The following SGCD variants were observed in gnomAD, a reference collection of about 807,000 sequenced individuals.
The protein encoded by SGCD is delta-sarcoglycan.
In SGCD, 18 loss-of-function variants were observed where a neutral mutation model predicts 36.6. That is an observed-to-expected ratio of 0.49 (90% CI 0.34 to 0.73). The LOEUF is 0.73. SGCD is among the 30% of genes least tolerant of loss of function. SGCD has a pLI of 0.01. For missense variants in SGCD, 387 were observed against 346.7 expected, an observed-to-expected ratio of 1.12 and a Z score of -0.92; for synonymous variants, 133 against 130.6, an observed-to-expected ratio of 1.02 and a Z score of -0.12.
intron 1 of SGCD, among the ~76,000 whole-genome samples, chr5:156,072,883 A>T (rs553852139): frequency 6.6e-6 from 1 of 151,836 alleles, no homozygotes; most frequent in African/African-American, 2.4e-5. Context: ...CATTCATTTC[A>T]TCTTCCATCA....
At chr5:156,073,032 C>A (rs1009477779) in intron 1 of SGCD, among the ~76,000 whole-genome samples, 3 of 152,150 alleles carry the variant, frequency 2.0e-5, no homozygotes, top group African/African-American at 7.2e-5. Flanking sequence ...ATACATTCAT[C>A]TAAATTTTTT....
In SGCD at chr5:156,419,424, G is replaced by A. The variant is rs148094232; in HGVS notation, c.192+74747G>A. Among the ~76,000 whole-genome samples, 759 of 152,214 alleles carry A rather than the reference G, an allele frequency of 5.0e-3. 5 individuals are homozygous for A. The highest frequency in any genetic ancestry group is 8.8e-3 in the Admixed American group (135 of 15,270). ...TAAGGAACTGGTGTTCTGTTGGTGA[G>A]ATAATGTATGGATCTTTATTTAGTC... On this transcript the variant is annotated intron_variant, in intron 3 of 8. Coordinates refer to ENST00000337851, the MANE Select transcript of SGCD (RefSeq NM_000337.6).
intron 1 of SGCD, among the ~76,000 whole-genome samples, chr5:155,883,108 C>G (rs1755925148): frequency 6.6e-6 from 1 of 152,132 alleles, no homozygotes; most frequent in African/African-American, 2.4e-5. Flanking sequence ...TTTTGCAGCT[C>G]CCTCACCTCT....
Position 156,721,983 on chromosome 5 carries a change from A to G in SGCD, c.576-35598A>G, listed in dbSNP as rs180904439. Among the ~76,000 whole-genome samples the G allele has an allele frequency of 1.1e-4, 16 of 152,358 alleles. No individual in the cohort carries two copies. The East Asian group carries it at 2.9e-3, about 28-fold the overall frequency. ...CCAAAGAACCAGAGCAATTGATTAC[A>G]AAAGTACTTGGCAACTGAAAAGCAT... On this transcript the variant is annotated intron_variant, in intron 7 of 8. Coordinates refer to ENST00000337851, the MANE Select transcript of SGCD (RefSeq NM_000337.6).
At chr5:156,078,369 C>T (rs750195353) in intron 1 of SGCD, among the ~76,000 whole-genome samples, 15 of 151,228 alleles carry the variant, frequency 9.9e-5, no homozygotes, top group African/African-American at 2.2e-4. Context: ...CAAAATTCGC[C>T]GGATGTGGTG....
At chr5:156,305,728 C>T (rs1767189188) in intron 3 of SGCD, among the ~76,000 whole-genome samples, 1 of 152,206 alleles carries the variant, frequency 6.6e-6, no homozygotes, top group African/African-American at 2.4e-5. Context: ...AATGCTAGCC[C>T]ATGATAGCAG....
At chr5:156,165,453 G>A (rs1763191198) in intron 3 of SGCD, among the ~76,000 whole-genome samples, 1 of 152,192 alleles carries the variant, frequency 6.6e-6, no homozygotes, top group African/African-American at 2.4e-5. Context: ...AAAGGTAGCT[G>A]AATTCCATTT....
intron 3 of SGCD, among the ~76,000 whole-genome samples, chr5:156,460,084 A>G (rs1581025839): frequency 6.6e-6 from 1 of 152,306 alleles, no homozygotes; most frequent in East Asian, 1.9e-4. Flanking sequence ...CTGAAGGTCA[A>G]TTAGAACAAT....
intron 1 of SGCD, among the ~76,000 whole-genome samples, chr5:155,914,911 T>A (rs1318858598): frequency 1.3e-5 from 2 of 152,200 alleles, no homozygotes; most frequent in Non-Finnish European, 2.9e-5. Flanking sequence ...TGCATTATTT[T>A]AAATTTTTCA....
At chr5:155,728,384 G>A in the SGCD span, among the ~76,000 whole-genome samples, 5 of 152,200 alleles carry the variant, frequency 3.3e-5, no homozygotes, top group African/African-American at 1.2e-4. Context: ...GCCGCCTTCC[G>A]CTCAGCCTCT....
At chr5:156,261,432 T>A (rs1425283890) in intron 3 of SGCD, among the ~76,000 whole-genome samples, 1 of 152,302 alleles carries the variant, frequency 6.6e-6, no homozygotes, top group East Asian at 1.9e-4. Context: ...AGATTATAAA[T>A]GGAGATGAAA....
intron 7 of SGCD, among the ~76,000 whole-genome samples, chr5:156,675,805 T>G (rs1287243064): frequency 2.0e-5 from 3 of 152,182 alleles, no homozygotes; most frequent in African/African-American, 7.2e-5. Context: ...ATTTAAATAT[T>G]AATGTTCAAA....
intron 3 of SGCD, among the ~76,000 whole-genome samples, chr5:156,185,886 G>GAGAGAGAGAGAGAGAGA (rs1465933664): frequency 2.8e-4 from 5 of 17,572 alleles, no homozygotes; most frequent in African/African-American, 4.7e-4. Flanking sequence ...GAGAGAGAGA[G>GAGAGAGAGAGAGAGAGA]GGCCATGTCT....
At chr5:156,588,373 GA>G (rs1760581172) in intron 4 of SGCD, among the ~76,000 whole-genome samples, 1 of 151,958 alleles carries the variant, frequency 6.6e-6, no homozygotes, top group Non-Finnish European at 1.5e-5. Flanking sequence ...CATTTTCCAT[GA>G]ATAATATTTA....
intron 3 of SGCD, among the ~76,000 whole-genome samples, chr5:156,320,254 C>A (rs1387512160): frequency 6.6e-6 from 1 of 152,032 alleles, no homozygotes; most frequent in Non-Finnish European, 1.5e-5. Flanking sequence ...GTGTCTTGTA[C>A]CACTGAGCAC....
chr5:156,733,394 T>C (rs966535404), intron 7 of SGCD, among the ~76,000 whole-genome samples: 3 of 152,122 alleles, frequency 2.0e-5, no homozygotes, highest in Non-Finnish European at 4.4e-5. Context: ...ACTGTTATTA[T>C]TTCAGTCATT....
At chr5:155,900,046 T>C (rs1367170036) in intron 1 of SGCD, among the ~76,000 whole-genome samples, 1 of 152,234 alleles carries the variant, frequency 6.6e-6, no homozygotes, top group African/African-American at 2.4e-5. Flanking sequence ...GAAAATGATA[T>C]CTGCTTTCTG....
At chr5:156,020,403 T>C (rs1759072362) in intron 1 of SGCD, among the ~76,000 whole-genome samples, 1 of 152,184 alleles carries the variant, frequency 6.6e-6, no homozygotes. Context: ...TGTCACTTGG[T>C]TTTTGAATAG....
At chr5:156,070,639 G>A (rs939532987) in intron 1 of SGCD, among the ~76,000 whole-genome samples, 4 of 152,078 alleles carry the variant, frequency 2.6e-5, no homozygotes, top group Non-Finnish European at 4.4e-5. Context: ...GATGATGCTG[G>A]CCTCATAAAA....
Sources: gnomAD v4.1 joint callset for allele counts (sites outside exome capture counted in the v4.1 genomes callset) on GRCh38, gnomAD v4.1.1 for gene constraint, MANE v1.5 for transcripts, NCBI Gene and HGNC (gene_info 2026-07-23, HGNC 2026-07-21) for gene names.